The following TCHH variants were observed in gnomAD, a reference collection of about 807,000 sequenced individuals.
TCHH encodes the protein trichohyalin.
A neutral mutation model predicts 6.3 loss-of-function variants in TCHH; 6 were observed. That is an observed-to-expected ratio of 0.95 (90% CI 0.52 to 1.88). The LOEUF (loss-of-function observed/expected upper bound fraction) is 1.88, where lower values mean the gene tolerates loss of function less well. TCHH is among the 40% of genes most tolerant of loss of function. The pLI, the probability that TCHH is intolerant of heterozygous loss-of-function variation, is 0.01. For synonymous variants in TCHH, 1,087 were observed against 963.6 expected, an observed-to-expected ratio of 1.13 and a Z score of -2.37; for missense variants, 2,920 against 2,449.1, an observed-to-expected ratio of 1.19 and a Z score of -4.06.
Position 152,112,580 on chromosome 1 carries a change from G to C in TCHH, c.637C>G (p.Arg213Gly). The change falls in exon 3 of 3, where the codon CGG becomes GGG. Residue 213 changes from arginine to glycine, a missense_variant. Arg to Gly is a moderately radical substitution (Grantham distance 125). Coordinates refer to ENST00000614923, the MANE Select transcript of TCHH (RefSeq NM_007113.4). ...EFPDEEQLRR[R>G]ELLELRRKGR... ...TTCCTCCTCAGCTCCAGCAGCTCCCGCCTTCGCAGTTGCTCTTCGTCTGGA... is the reference window on the plus strand; with the variant it reads ...TTCCTCCTCAGCTCCAGCAGCTCCCCCCTTCGCAGTTGCTCTTCGTCTGGA... 8.7e-6 allele frequency: 14 copies of C among 1,613,348 alleles called. No homozygotes were observed. The highest frequency in any genetic ancestry group is 1.2e-5 in the Non-Finnish European group (14 of 1,179,962).
In TCHH at chr1:152,112,560, C is replaced by T. The variant is rs201915759; in HGVS notation, c.657G>A (p.Arg219=). The T allele has an allele frequency of 5.6e-6, 9 of 1,613,584 alleles. No homozygotes were observed. The highest frequency in any genetic ancestry group is 4.0e-5 in the African/African-American group (3 of 74,992). Residue 219 remains arginine, a synonymous_variant, in exon 3 of 3, where the codon AGG becomes AGA. Transcript: ENST00000614923. Reference sequence around the variant, plus strand: ...GCTGTTTCTCCTCGCGGCCCTTCCTCCTCAGCTCCAGCAGCTCCCGCCTTC... The same window carrying T: ...GCTGTTTCTCCTCGCGGCCCTTCCTTCTCAGCTCCAGCAGCTCCCGCCTTC... ...QLRRRELLEL[R]RKGREEKQQQ...
In TCHH at chr1:152,109,404, C is replaced by T. The variant is rs557559027; in HGVS notation, c.3813G>A (p.Leu1271=). The T allele has an allele frequency of 3.1e-6, 5 of 1,614,216 alleles. No individual in the cohort carries two copies. The African/African-American group carries it at 4.0e-5, about 13-fold the overall frequency. ...RQSQQDLQHL[L]GEQQERDREQ... ...CACGATCTCGCTCTTGCTGTTCACCCAGCAGGTGCTGCAGATCTTGCTGGG... is the reference window on the plus strand; with the variant it reads ...CACGATCTCGCTCTTGCTGTTCACCTAGCAGGTGCTGCAGATCTTGCTGGG... The change falls in exon 3 of 3, where the codon CTG becomes CTA. Residue 1271 remains leucine, a synonymous_variant. Transcript: ENST00000614923.
Position 152,107,762 on chromosome 1 carries a change from C to A in TCHH, c.5455G>T (p.Gly1819Ter), listed in dbSNP as rs760018205. ...TGCTCTTCTTCCCAGCGATACTTTC[C>A]GTCACGCTGTTGGGGGCGCAGCTGC... The part of the protein sequence containing the change: ...EQQLRPQQRD[G>*]KYRWEEEQLQ... Residue 1819 changes from glycine to a stop codon, truncating the protein, a stop_gained, in exon 3 of 3, where the codon GGA (glycine) becomes TGA (stop). Transcript: ENST00000614923. LOFTEE classifies it low-confidence loss of function (END_TRUNC). The A allele has an allele frequency of 1.9e-6, 3 of 1,614,206 alleles. No individual in the cohort carries two copies. Among genetic ancestry groups the A allele is most frequent in the East Asian group, 2.2e-5 (1 of 44,886 alleles).
Position 152,108,792 on chromosome 1 carries a change from T to C in TCHH, c.4425A>G (p.Glu1475=), listed in dbSNP as rs745431884. ...EEEQLLQERE[E]QQLHRQERDR... ...CACGCTCTTGGCGGTGCAGCTGCTG[T>C]TCTTCCCTTTCCTGGAGCAGCTGTT... is the stretch of plus-strand genomic sequence containing the variant. The change falls in exon 3 of 3, where the codon GAA becomes GAG. Residue 1475 remains glutamate, a synonymous_variant. Coordinates refer to ENST00000614923, the MANE Select transcript of TCHH (RefSeq NM_007113.4). 6.2e-7 allele frequency: 1 copy of C among 1,612,696 alleles called. No homozygotes were observed. Among genetic ancestry groups the C allele is most frequent in the Non-Finnish European group, 8.5e-7 (1 of 1,179,788 alleles).
In TCHH at chr1:152,111,177, CCT is replaced by C. The variant is rs1658328641; in HGVS notation, c.2038_2039del (p.Arg680AlafsTer7). On this transcript the variant is annotated frameshift_variant, in exon 3 of 3. Coordinates refer to ENST00000614923, the MANE Select transcript of TCHH (RefSeq NM_007113.4). LOFTEE classifies it low-confidence loss of function (END_TRUNC). The part of the protein sequence containing the change: ...QRLKREHEEE[R>X]REQELAEEEQ... ...CCTCCTCAGCTAGCTCCTGCTCGCG[CCT>C]CTCTTCCTCATGCTCGCGCTTCAGC... The C allele has an allele frequency of 3.1e-6, 5 of 1,613,608 alleles. No individual in the cohort carries two copies. Among genetic ancestry groups the C allele is most frequent in the African/African-American group, 1.3e-5 (1 of 74,976 alleles).
chr1:152,109,018 C>T lies in TCHH; in HGVS notation c.4199G>A (p.Arg1400His). The T allele has an allele frequency of 6.2e-7, 1 of 1,613,544 alleles. No individual in the cohort carries two copies. Among genetic ancestry groups the T allele is most frequent in the African/African-American group, 1.3e-5 (1 of 74,882 alleles). Residue 1400 changes from arginine to histidine, a missense_variant, in exon 3 of 3, where the codon CGC (arginine) becomes CAC (histidine). By Grantham distance (29) the Arg-to-His change is conservative. Transcript: ENST00000614923. ...RKFLKEEQQL[R>H]CQEREQQLRQ... Reference sequence around the variant, plus strand: ...CAGCTGTTGCTCGCGCTCCTGGCAGCGCAGCTGCTGTTCCTCCTTAAGGAA... The same window carrying T: ...CAGCTGTTGCTCGCGCTCCTGGCAGTGCAGCTGCTGTTCCTCCTTAAGGAA...
chr1:152,107,921 G>A lies in TCHH; in HGVS notation c.5296C>T (p.Arg1766Cys), dbSNP rs752593333. The change falls in exon 3 of 3, where the codon CGC becomes TGC. Residue 1766 changes from arginine to cysteine, a missense_variant. Physicochemically the swap from Arg to Cys is radical, Grantham distance 180 (BLOSUM62 -3). Coordinates refer to ENST00000614923, the MANE Select transcript of TCHH (RefSeq NM_007113.4). ...RPEREEQQLR[R>C]QERDRKFREE... ...CGGAATTTTCTGTCGCGCTCCTGGC[G>A]GCGCAGCTGCTGTTCTTCCCTTTCC... The A allele has an allele frequency of 3.3e-5, 53 of 1,613,888 alleles. No individual in the cohort carries two copies. The highest frequency in any genetic ancestry group is 1.6e-4 in the Middle Eastern group (1 of 6,084).
chr1:152,108,539 C>T lies in TCHH; in HGVS notation c.4678G>A (p.Glu1560Lys), dbSNP rs562003409. ...RQDRDRKFREEEQLRQEREEQ... is the reference protein window; with the variant it reads ...RQDRDRKFREKEQLRQEREEQ... ...TCCCTCTCCTGGCGCAGCTGTTCCT[C>T]CTCGCGGAATTTTCTGTCACGGTCC... Residue 1560 changes from glutamate to lysine, a missense_variant, in exon 3 of 3, where the codon GAG (glutamate) becomes AAG (lysine). Transcript: ENST00000614923. 6.0e-5 allele frequency: 97 copies of T among 1,611,180 alleles called. 5 individuals are homozygous for T. In the East Asian group the frequency reaches 2.1e-3, roughly 34 times the overall value.
At position 152,112,700 on chromosome 1, in the gene TCHH, G is replaced by A; in HGVS notation, c.517C>T (p.Leu173=). Residue 173 remains leucine (L), a synonymous_variant, in exon 3 of 3, where the codon CTG becomes TTG. Transcript: ENST00000614923. ...TGCCATTCTTGCCTTTGCCGCCACAGCTCCTCGTCGCGGCGCTGCCTGTCG... is the reference window on the plus strand; with the variant it reads ...TGCCATTCTTGCCTTTGCCGCCACAACTCCTCGTCGCGGCGCTGCCTGTCG... ...QRDRQRRDEE[L]WRQRQEWQER... The A allele has an allele frequency of 6.2e-7, 1 of 1,614,066 alleles. No individual in the cohort carries two copies. The highest frequency in any genetic ancestry group is 1.1e-5 in the South Asian group (1 of 91,082).
chr1:152,110,502 C>G lies in TCHH; in HGVS notation c.2715G>C (p.Leu905=). Residue 905 remains leucine (L), a synonymous_variant, in exon 3 of 3, where the codon CTG becomes CTC. Coordinates refer to ENST00000614923, the MANE Select transcript of TCHH (RefSeq NM_007113.4). ...LQEQLRKEQQ[L]LQEEEEELQR... is the part of the protein sequence containing the mutation. ...GTAGCTCCTCCTCCTCCTCCTGCAG[C>G]AGCTGCTGTTCCTTCCTCAGCTGCT... The G allele has an allele frequency of 6.2e-7, 1 of 1,614,184 alleles. No individual in the cohort carries two copies.
intron 1 of TCHH, among the ~76,000 whole-genome samples, chr1:152,114,868 G>A (rs986100307): frequency 6.6e-6 from 1 of 152,162 alleles, no homozygotes; most frequent in Non-Finnish European, 1.5e-5. Flanking sequence ...AATGATATTG[G>A]TTTTGTTAAA....
chr1:152,109,776 C>A lies in TCHH; in HGVS notation c.3441G>T (p.Gln1147His). 6 of 1,581,486 alleles carry A rather than the reference C, an allele frequency of 3.8e-6. No homozygotes were observed. Among genetic ancestry groups the A allele is most frequent in the Non-Finnish European group, 5.2e-6 (6 of 1,160,932 alleles). ...CTCTCAGCAGCTGCTCTTCCTCCTG[C>A]TGCACCTCCTCTTCCTCCCGATATT... is the stretch of plus-strand genomic sequence containing the variant. Reference protein sequence around the residue: ...ERQYREEEEVQQEEEQLLREE... With the variant: ...ERQYREEEEVHQEEEQLLREE... Residue 1147 changes from glutamine to histidine, a missense_variant, in exon 3 of 3, where the codon CAG (glutamine) becomes CAT (histidine). Transcript: ENST00000614923.
Position 152,111,326 on chromosome 1 carries a change from GGCGCCTCTCTTCCTCCGGCTC to G in TCHH, c.1870_1890del (p.Glu624_Arg630del). The G allele has an allele frequency of 6.3e-7, 1 of 1,596,482 alleles. No individual in the cohort carries two copies. The highest frequency in any genetic ancestry group is 8.5e-7 in the Non-Finnish European group (1 of 1,171,316). On this transcript the variant is annotated inframe_deletion, in exon 3 of 3. Transcript: ENST00000614923. Reference sequence around the variant, plus strand: ...TGCTCCTCGCTCTTCAGCAGCTGCTGGCGCCTCTCTTCCTCCGGCTCCTCGCGCTTCAGCCGCTGCTCGCGC... The same window carrying G: ...TGCTCCTCGCTCTTCAGCAGCTGCTGCTCGCGCTTCAGCCGCTGCTCGCGC...
At chr1:152,114,984 C>T (rs552502531) in intron 1 of TCHH, among the ~76,000 whole-genome samples, 10 of 152,302 alleles carry the variant, frequency 6.6e-5, no homozygotes, top group South Asian at 2.1e-4. Flanking sequence ...TAAGTGTAGT[C>T]GTTCATCTAG....
Position 152,108,708 on chromosome 1 carries a change from G to A in TCHH, c.4509C>T (p.Phe1503=). 1 of 1,610,292 alleles carries A rather than the reference G, an allele frequency of 6.2e-7. No homozygotes were observed. Among genetic ancestry groups the A allele is most frequent in the Non-Finnish European group, 8.5e-7 (1 of 1,179,208 alleles). ...QLRRQERDRK[F]REQELRSQEP... is the part of the protein sequence containing the mutation. ...CCTGACTGCGCAGTTCCTGTTCGCG[G>A]AATTTTCTGTCACGCTCTTGGCGGC... is the stretch of plus-strand genomic sequence containing the variant. The change falls in exon 3 of 3, where the codon TTC becomes TTT. Residue 1503 remains phenylalanine, a synonymous_variant. Coordinates refer to ENST00000614923, the MANE Select transcript of TCHH (RefSeq NM_007113.4).
At chr1:152,113,122 C>T in intron 2 of TCHH, 44 bp from the exon 3 acceptor site, 1 of 1,505,074 alleles carries the variant, frequency 6.6e-7, no homozygotes, top group East Asian at 2.3e-5. Context: ...GCACTATTTA[C>T]AGGTGGTAAA....
rs767498212 is a variant in TCHH at position 152,110,871 on chromosome 1, C to G, written c.2346G>C (p.Gln782His). ...GCAATGGGGGCCTGGCCGACAGCCT[C>G]TGACGGCCCCTCTCGCTCTTTTCCT... ...QAEEKSERGR[Q>H]RLSARPPLRE... The change falls in exon 3 of 3, where the codon CAG becomes CAC. Residue 782 changes from glutamine (Q) to histidine (H), a missense_variant. Physicochemically the swap from Gln to His is conservative, Grantham distance 24 (BLOSUM62 0). Coordinates refer to ENST00000614923, the MANE Select transcript of TCHH (RefSeq NM_007113.4). 1 of 1,610,582 alleles carries G rather than the reference C, an allele frequency of 6.2e-7. No individual in the cohort carries two copies. Among genetic ancestry groups the G allele is most frequent in the Non-Finnish European group, 8.5e-7 (1 of 1,179,756 alleles).
At position 152,112,309 on chromosome 1, in the gene TCHH, T is replaced by C; in HGVS notation, c.908A>G (p.Glu303Gly). 1 of 1,611,582 alleles carries C rather than the reference T, an allele frequency of 6.2e-7. No individual in the cohort carries two copies. Residue 303 changes from glutamate to glycine, a missense_variant, in exon 3 of 3, where the codon GAG becomes GGG. Physicochemically the swap from Glu to Gly is moderately conservative, Grantham distance 98 (BLOSUM62 -2). Coordinates refer to ENST00000614923, the MANE Select transcript of TCHH (RefSeq NM_007113.4). ...CTCCTGCTTGCGCCTTAGTTGCTGC[T>C]CGCGCCTCAGCCTTTGCTGCTGCTG... ...EEQQQQRLRR[E>G]QQLRRKQEEE... is the part of the protein sequence containing the mutation.
Position 152,108,523 on chromosome 1 carries a change from T to C in TCHH, c.4694A>G (p.Gln1565Arg). 1.3e-6 allele frequency: 2 copies of C among 1,599,402 alleles called. No homozygotes were observed. The highest frequency in any genetic ancestry group is 1.7e-6 in the Non-Finnish European group (2 of 1,175,006). ...RKFREEEQLR[Q>R]EREEQQLSRQ... ...GCTCAGCTGCTGTTCCTCCCTCTCC[T>C]GGCGCAGCTGTTCCTCCTCGCGGAA... The change falls in exon 3 of 3, where the codon CAG (glutamine) becomes CGG (arginine). Residue 1565 changes from glutamine to arginine, a missense_variant. Transcript: ENST00000614923.
Sources: gnomAD v4.1 joint callset for allele counts (sites outside exome capture counted in the v4.1 genomes callset) on GRCh38, gnomAD v4.1.1 for gene constraint, MANE v1.5 for transcripts, NCBI Gene and HGNC (gene_info 2026-07-23, HGNC 2026-07-21) for gene names.